The following WDR11 variants were observed in gnomAD, a reference collection of about 807,000 sequenced individuals.
WDR11 encodes WD repeat domain 11.
WDR11 carries 83 observed loss-of-function variants against 151.2 expected under a neutral mutation model. The ratio of observed to expected loss-of-function variants is 0.55; its 90% CI spans 0.46 to 0.66. WDR11 has a LOEUF of 0.66. WDR11 is among the 30% of genes least tolerant of loss of function. The pLI, the probability that WDR11 is intolerant of heterozygous loss-of-function variation, is 0.00. For missense variants in WDR11, 1,301 were observed against 1,480.9 expected, an observed-to-expected ratio of 0.88 and a Z score of 1.99; for synonymous variants, 484 against 533.1, an observed-to-expected ratio of 0.91 and a Z score of 1.27.
chr10:120,868,770 A>G (rs1384414710), intron 9 of WDR11: 4 of 152,174 alleles, frequency 2.6e-5, no homozygotes, highest in African/African-American at 9.7e-5. Flanking sequence ...GGGTAAGACC[A>G]TCATTCATCT....
In WDR11 at chr10:120,889,427, A is replaced by C. The variant is rs373669713; in HGVS notation, c.2228+243A>C. ...TAATTTTTTTGTATTTTTTTAGTAGAGACGGGATTTCACCATGTTAGCCAG... is the reference window on the plus strand; with the variant it reads ...TAATTTTTTTGTATTTTTTTAGTAGCGACGGGATTTCACCATGTTAGCCAG... On this transcript the variant is annotated intron_variant, in intron 17 of 28. Coordinates refer to ENST00000263461, the MANE Select transcript of WDR11 (RefSeq NM_018117.12). The C allele has an allele frequency of 9.2e-4, 413 of 448,098 alleles. 4 individuals are homozygous for C. The highest frequency in any genetic ancestry group is 7.4e-3 in the African/African-American group (372 of 50,138). The allele number at this position is 448,098 out of a possible 1,614,324, so 27.8% of individuals were successfully genotyped here. A position where few individuals can be genotyped will look rare whatever the true frequency, so the allele number is the denominator to read the frequency against.
intron 11 of WDR11, among the ~76,000 whole-genome samples, chr10:120,877,347 T>A (rs1846831141): frequency 6.6e-6 from 1 of 152,220 alleles, no homozygotes; most frequent in South Asian, 2.1e-4. Context: ...TTGAAAATAA[T>A]TTGTATTTTA....
At chr10:120,859,491 T>A (rs928333916) in intron 3 of WDR11, among the ~76,000 whole-genome samples, 4 of 152,056 alleles carry the variant, frequency 2.6e-5, no homozygotes. Context: ...ATGGTCTCGA[T>A]CTCCTGACTT....
intron 4 of WDR11, 122 bp from the exon 5 acceptor site, chr10:120,862,613 A>C (rs1846180897): frequency 1.9e-6 from 2 of 1,044,840 alleles, no homozygotes; most frequent in Non-Finnish European, 3.0e-6. Flanking sequence ...TTATGAATGC[A>C]TAACATTGCC....
intron 8 of WDR11, 55 bp from the exon 9 acceptor site, chr10:120,867,011 A>G: frequency 3.6e-6 from 5 of 1,401,610 alleles, no homozygotes; most frequent in Non-Finnish European, 3.0e-6. Flanking sequence ...TGAATTCCTA[A>G]TACGTAATGC....
chr10:120,897,613 G>A (rs1276030189), intron 19 of WDR11, among the ~76,000 whole-genome samples: 2 of 152,104 alleles, frequency 1.3e-5, no homozygotes, highest in Non-Finnish European at 2.9e-5. Flanking sequence ...CTGATAATCA[G>A]AAAACAGACA....
rs1275306770 is a variant in WDR11 at position 120,874,187 on chromosome 10, TTTTTTGTTG to T, written c.1556+267_1556+275del. Among the ~76,000 whole-genome samples the T allele has an allele frequency of 2.7e-3, 161 of 59,382 alleles. 3 individuals carry two copies. The highest frequency in any genetic ancestry group is 3.9e-3 in the Non-Finnish European group (101 of 26,068). The allele number at this position is 59,382 out of a possible 152,430, so 39.0% of individuals were successfully genotyped here. Reference sequence around the variant, plus strand: ...TTGCGGTTTTTGCAGTTTTTTTTTTTTTTTTGTTGTTGTTGTTGTTGTTTGTTTTGTTTT... The same window carrying T: ...TTGCGGTTTTTGCAGTTTTTTTTTTTTTGTTGTTGTTGTTTGTTTTGTTTT... On this transcript the variant is annotated intron_variant, in intron 11 of 28. Transcript: ENST00000263461.
chr10:120,883,291 T>C (rs1271413274), intron 13 of WDR11, among the ~76,000 whole-genome samples: 1 of 152,214 alleles, frequency 6.6e-6, no homozygotes, highest in Non-Finnish European at 1.5e-5. Flanking sequence ...GCTCAAATTA[T>C]ATTTGTTGAA....
Position 120,900,066 on chromosome 10 carries a change from C to T in WDR11, c.2553C>T (p.Ala851=). The T allele has an allele frequency of 1.9e-6, 3 of 1,614,120 alleles. No homozygotes were observed. The highest frequency in any genetic ancestry group is 1.3e-5 in the African/African-American group (1 of 75,042). ...VWCPYLLVPR[A]SLALKAFLLH... ...GCCCCTATCTCCTTGTTCCAAGGGC[C>T]TCTCTTGCCTTGAAAGCCTTCTTAT... Residue 851 remains alanine, a synonymous_variant, in exon 20 of 29, where the codon GCC becomes GCT. Transcript: ENST00000263461.
chr10:120,906,885 G>A (rs776579261), intron 28 of WDR11, 30 bp downstream of exon 28: 67 of 1,613,916 alleles, frequency 4.2e-5, no homozygotes, highest in South Asian at 9.9e-5. Flanking sequence ...TTGTAGTGAC[G>A]AGGAAGAAAG....
chr10:120,867,021 C>A, intron 8 of WDR11, 45 bp from the exon 9 acceptor site: 2 of 1,461,038 alleles, frequency 1.4e-6, no homozygotes, highest in Non-Finnish European at 1.9e-6. Context: ...ATACGTAATG[C>A]AGATTTTAAG....
intron 12 of WDR11, among the ~76,000 whole-genome samples, 186 bp downstream of exon 12, chr10:120,878,645 T>C (rs1846889252): frequency 6.6e-6 from 1 of 152,182 alleles, no homozygotes; most frequent in Admixed American, 6.5e-5. Context: ...GGAAATGTTG[T>C]TGGCACAAAT....
chr10:120,866,963 A>G (rs1012456532), intron 8 of WDR11, 103 bp from the exon 9 acceptor site: 9 of 1,107,114 alleles, frequency 8.1e-6, no homozygotes, highest in Non-Finnish European at 1.2e-5. Flanking sequence ...TGAATAATAT[A>G]AAAATAGATA....
rs116942868 is a variant in WDR11, at chr10:120,854,755, G to A, written c.198+2120G>A. On this transcript the variant is annotated intron_variant, in intron 2 of 28. Coordinates refer to ENST00000263461, the MANE Select transcript of WDR11 (RefSeq NM_018117.12). ...TTTCCCTGATGGCTAAAGGTGTGGAGTATCTTTTCATGTGCTTATTGGCCA... is the reference window on the plus strand; with the variant it reads ...TTTCCCTGATGGCTAAAGGTGTGGAATATCTTTTCATGTGCTTATTGGCCA... 4.2e-3 allele frequency among the ~76,000 whole-genome samples: 635 copies of A among 152,280 alleles called. 2 individuals carry two copies. Among genetic ancestry groups the A allele is most frequent in the Middle Eastern group, 0.01 (3 of 294 alleles).
At chr10:120,854,573 G>A (rs889486097) in intron 2 of WDR11, among the ~76,000 whole-genome samples, 2 of 152,146 alleles carry the variant, frequency 1.3e-5, no homozygotes, top group Non-Finnish European at 2.9e-5. Flanking sequence ...AACTTTTTGA[G>A]GAACTGCTGG....
At chr10:120,879,178 G>A (rs1846910063) in intron 12 of WDR11, 1 of 152,194 alleles carries the variant, frequency 6.6e-6, no homozygotes, top group Non-Finnish European at 1.5e-5. Context: ...GCATGTGTAT[G>A]TATGTGTAAA....
Position 120,901,115 on chromosome 10 carries a change from T to C in WDR11, c.2687+17T>C. The C allele has an allele frequency of 6.3e-7, 1 of 1,579,758 alleles. No individual in the cohort carries two copies. Among genetic ancestry groups the C allele is most frequent in the East Asian group, 2.2e-5 (1 of 44,610 alleles). ...ATTGTCTAAGTAAGCACTCCATGTT[T>C]CATTAGAAGATAGGAATATGAGAAA... On this transcript the variant is annotated intron_variant, in intron 21 of 28. Transcript: ENST00000263461.
intron 4 of WDR11, among the ~76,000 whole-genome samples, chr10:120,861,679 C>T (rs895799137): frequency 4.6e-5 from 7 of 152,204 alleles, no homozygotes; most frequent in Admixed American, 2.6e-4. Flanking sequence ...TGTCATAACT[C>T]TTGAATGCAT....
In WDR11 at chr10:120,900,091, T is replaced by C. The variant is rs769246183; in HGVS notation, c.2578T>C (p.Leu860=). The change falls in exon 20 of 29, where the codon TTA becomes CTA. Residue 860 remains leucine, a synonymous_variant. Transcript: ENST00000263461. ...RASLALKAFL[L]HQPWNGQYSL... ...CTCTCTTGCCTTGAAAGCCTTCTTA[T>C]TACACCAGCCTTGGAATGGACAGTA... 6.2e-7 allele frequency: 1 copy of C among 1,614,160 alleles called. No homozygotes were observed. Among genetic ancestry groups the C allele is most frequent in the Non-Finnish European group, 8.5e-7 (1 of 1,179,982 alleles).
Sources: allele counts gnomAD v4.1 joint callset (sites outside exome capture counted in the v4.1 genomes callset), GRCh38; gene constraint gnomAD v4.1.1; transcripts MANE v1.5; gene names NCBI Gene and HGNC (gene_info 2026-07-23, HGNC 2026-07-21).